Variants in FBXL13 observed in about 807,000 individuals in gnomAD.
FBXL13 encodes the protein F-box and leucine rich repeat protein 13.
In FBXL13, 67 loss-of-function variants were observed where a neutral mutation model predicts 83.6. The observed-to-expected ratio is 0.80, with a 90% confidence interval of 0.66 to 0.98. The LOEUF (loss-of-function observed/expected upper bound fraction) is 0.98. Ranked by LOEUF, FBXL13 falls within the 50% of genes least tolerant of loss-of-function variation. The probability of loss-of-function intolerance (pLI) is 0.00; values close to 1 mark genes in which losing one functional copy is unlikely to be tolerated. For synonymous variants in FBXL13, 272 were observed against 299.5 expected, an observed-to-expected ratio of 0.91 and a Z score of 0.95; for missense variants, 822 against 866.5, an observed-to-expected ratio of 0.95 and a Z score of 0.64.
intron 6 of FBXL13, chr7:102,976,051 A>G (rs1424501097): frequency 1.3e-6 from 1 of 766,276 alleles, no homozygotes; most frequent in Non-Finnish European, 2.4e-6. Context: ...GGAGGACCCC[A>G]CTGGAAGTTG....
chr7:103,065,289 C>T (rs1798289583), intron 1 of FBXL13, among the ~76,000 whole-genome samples: 1 of 152,216 alleles, frequency 6.6e-6, no homozygotes, highest in Admixed American at 6.5e-5. Context: ...AATAATTATT[C>T]TGTGATTTTT....
chr7:102,953,154 G>C (rs975996196), intron 8 of FBXL13, among the ~76,000 whole-genome samples: 1 of 152,046 alleles, frequency 6.6e-6, no homozygotes, highest in African/African-American at 2.4e-5. Flanking sequence ...TACCTCATTC[G>C]ATGAAGCCAA....
chr7:103,044,860 A>G (rs1796111101), intron 2 of FBXL13, among the ~76,000 whole-genome samples: 1 of 152,206 alleles, frequency 6.6e-6, no homozygotes, highest in African/African-American at 2.4e-5. Flanking sequence ...TCCTTCTACT[A>G]TTATGAGAGC....
chr7:103,005,297 T>C (rs1790866676), intron 6 of FBXL13, among the ~76,000 whole-genome samples: 1 of 151,528 alleles, frequency 6.6e-6, no homozygotes, highest in Non-Finnish European at 1.5e-5. Flanking sequence ...GAAAAGAGGG[T>C]AGGGACATCA....
At chr7:102,999,039 G>C (rs1049647781) in intron 6 of FBXL13, among the ~76,000 whole-genome samples, 1 of 151,852 alleles carries the variant, frequency 6.6e-6, no homozygotes, top group African/African-American at 2.4e-5. Flanking sequence ...CATTCAGTAC[G>C]ACGTTAGTTG....
chr7:103,064,174 T>A (rs1405075985), intron 1 of FBXL13, among the ~76,000 whole-genome samples: 1 of 152,208 alleles, frequency 6.6e-6, no homozygotes, highest in Admixed American at 6.5e-5. Context: ...CCAACCAGCA[T>A]CCTGATCTAA....
intron 17 of FBXL13, among the ~76,000 whole-genome samples, chr7:102,853,784 T>C (rs958984022): frequency 6.6e-6 from 1 of 152,194 alleles, no homozygotes; most frequent in African/African-American, 2.4e-5. Flanking sequence ...TCATCATCAC[T>C]GGCCATCAGA....
chr7:102,856,305 G>T (rs1214379904), intron 16 of FBXL13, among the ~76,000 whole-genome samples: 1 of 152,172 alleles, frequency 6.6e-6, no homozygotes, highest in Non-Finnish European at 1.5e-5. Context: ...GAAGAGTTTA[G>T]ATATTCCCCA....
chr7:102,902,963 T>C (rs1813154883), intron 11 of FBXL13, among the ~76,000 whole-genome samples: 1 of 152,054 alleles, frequency 6.6e-6, no homozygotes. Flanking sequence ...CTGTGAAGAA[T>C]GTCACTGGTA....
intron 17 of FBXL13, among the ~76,000 whole-genome samples, chr7:102,844,882 T>C (rs1803651354): frequency 6.6e-6 from 1 of 152,168 alleles, no homozygotes. Flanking sequence ...CTAGGACAAC[T>C]CAAATAATTC....
intron 8 of FBXL13, among the ~76,000 whole-genome samples, chr7:102,962,922 T>C (rs1825485592): frequency 6.7e-6 from 1 of 149,018 alleles, no homozygotes. Context: ...GCATGGCACA[T>C]GTATGCATAT....
In FBXL13 at chr7:102,933,843, T is replaced by C. The variant is rs976615250; in HGVS notation, c.725-1910A>G. 7 of 1,451,850 alleles carry C rather than the reference T, an allele frequency of 4.8e-6. No homozygotes were observed. The East Asian group carries it at 1.2e-4, about 26-fold the overall frequency. The allele number at this position is 1,451,850 out of a possible 1,614,324, so 89.9% of individuals were successfully genotyped here. A position where few individuals can be genotyped will look rare whatever the true frequency, so the allele number is the denominator to read the frequency against. ...CTGCATTAGTTAAGATTACCCAGAC[T>C]TGGATTTCAAAGGAATACTTTCATT... On this transcript the variant is annotated intron_variant, in intron 8 of 19. Transcript: ENST00000313221.
At chr7:102,969,100 A>G (rs1826300765) in intron 6 of FBXL13, among the ~76,000 whole-genome samples, 1 of 152,192 alleles carries the variant, frequency 6.6e-6, no homozygotes, top group African/African-American at 2.4e-5. Context: ...TGTGTACAGT[A>G]ATATCCTAGG....
intron 11 of FBXL13, among the ~76,000 whole-genome samples, chr7:102,906,016 A>C (rs1389391840): frequency 6.6e-6 from 1 of 152,212 alleles, no homozygotes; most frequent in Non-Finnish European, 1.5e-5. Context: ...GGGAGGCCTC[A>C]GAATCATGGC....
intron 18 of FBXL13, among the ~76,000 whole-genome samples, chr7:102,829,363 C>A (rs79779342): frequency 0.029 from 4,444 of 152,322 alleles, 189 homozygotes; most frequent in East Asian, 0.16. Flanking sequence ...TGCTTCACAT[C>A]ACCTACACTT....
At chr7:102,812,731 C>A (rs985205379), downstream of FBXL13, among the ~76,000 whole-genome samples, 5 of 151,946 alleles carry the variant, frequency 3.3e-5, no homozygotes, top group African/African-American at 9.7e-5. Flanking sequence ...AAAAAAGTCT[C>A]ATCTCTCAGG....
chr7:102,948,223 C>T (rs1290880570), intron 8 of FBXL13, among the ~76,000 whole-genome samples: 1 of 151,962 alleles, frequency 6.6e-6, no homozygotes, highest in African/African-American at 2.4e-5. Context: ...GCCACCATGC[C>T]TGGCTAAATT....
In FBXL13 at chr7:102,934,523, C is replaced by T. The variant is rs149650054; in HGVS notation, c.725-2590G>A. The T allele has an allele frequency of 3.5e-5, 57 of 1,607,940 alleles. No homozygotes were observed. The East Asian group carries it at 4.5e-4, about 13-fold the overall frequency. ...ACAAGAACAAAAAAATAAAAAACTG[C>T]GGCAGATAAAATCTGAACAGTTGTG... On this transcript the variant is annotated intron_variant, in intron 8 of 19. Transcript: ENST00000313221.
intron 8 of FBXL13, among the ~76,000 whole-genome samples, chr7:102,958,221 T>A (rs768382091): frequency 1.3e-5 from 2 of 151,956 alleles, no homozygotes; most frequent in African/African-American, 2.4e-5. Context: ...AAAGGATGAG[T>A]GCATGTCCTT....
Sources: gnomAD v4.1 joint callset for allele counts (sites outside exome capture counted in the v4.1 genomes callset) on GRCh38, gnomAD v4.1.1 for gene constraint, MANE v1.5 for transcripts, NCBI Gene and HGNC (gene_info 2026-07-23, HGNC 2026-07-21) for gene names.